The following ARHGAP18 variants were observed in gnomAD, a reference collection of about 807,000 sequenced individuals.
ARHGAP18 encodes Rho GTPase activating protein 18, also known as rho GTPase-activating protein 18.
A neutral mutation model predicts 86.2 loss-of-function variants in ARHGAP18; 67 were observed. The ratio of observed to expected loss-of-function variants is 0.78; its 90% CI spans 0.64 to 0.95. The LOEUF (loss-of-function observed/expected upper bound fraction) is 0.95. Among genes scored for constraint, ARHGAP18 ranks in the 40% least tolerant of loss-of-function variants. The pLI is 0.00. For synonymous variants in ARHGAP18, 283 were observed against 280.4 expected, an observed-to-expected ratio of 1.01 and a Z score of -0.09; for missense variants, 691 against 780.4, an observed-to-expected ratio of 0.89 and a Z score of 1.37.
At chr6:129,600,944 AAGTTGTGTATAAGCAC>A in intron 10 of ARHGAP18, 96 bp from the exon 11 acceptor site, 1 of 1,089,428 alleles carries the variant, frequency 9.2e-7, no homozygotes, top group Non-Finnish European at 1.3e-6. Context: ...TTGAAAAAAC[AAGTTGTGTATAAGCAC>A]AGTCAACTAA....
intron 12 of ARHGAP18, among the ~76,000 whole-genome samples, chr6:129,594,444 G>A (rs899891556): frequency 2.0e-5 from 3 of 151,858 alleles, no homozygotes; most frequent in Admixed American, 2.0e-4. Context: ...CTTAAACATT[G>A]GAATCCCCTA....
At chr6:129,602,615 T>C (rs1788769877) in intron 10 of ARHGAP18, among the ~76,000 whole-genome samples, 1 of 152,194 alleles carries the variant, frequency 6.6e-6, no homozygotes. Flanking sequence ...ATGAGATTTA[T>C]GTATCTAATT....
At chr6:129,697,345 T>C (rs1271045046) in intron 1 of ARHGAP18, among the ~76,000 whole-genome samples, 1 of 152,228 alleles carries the variant, frequency 6.6e-6, no homozygotes, top group African/African-American at 2.4e-5. Flanking sequence ...TGGAATGGTA[T>C]GTTTCACAGA....
intron 5 of ARHGAP18, among the ~76,000 whole-genome samples, chr6:129,625,232 T>C (rs1217495722): frequency 1.1e-5 from 1 of 90,934 alleles, no homozygotes; most frequent in East Asian, 3.1e-4. Flanking sequence ...ATATGATATA[T>C]GATATATATT....
At chr6:129,579,036 T>C (rs1788236123) in intron 14 of ARHGAP18, among the ~76,000 whole-genome samples, 1 of 152,100 alleles carries the variant, frequency 6.6e-6, no homozygotes, top group Admixed American at 6.6e-5. Flanking sequence ...ATTGTAAGAA[T>C]TGGCCAACAA....
chr6:129,631,530 T>A (rs62421086), intron 4 of ARHGAP18, among the ~76,000 whole-genome samples: 32,440 of 151,974 alleles, frequency 0.21, 3,599 homozygotes, highest in Non-Finnish European at 0.24. Flanking sequence ...ATAAGTGATG[T>A]TTTAATTACC....
In ARHGAP18 at chr6:129,614,816, T is replaced by C. The variant is rs148105396; in HGVS notation, c.1044+1396A>G. Among the ~76,000 whole-genome samples the C allele has an allele frequency of 3.8e-3, 582 of 151,624 alleles. 4 individuals carry two copies. The highest frequency in any genetic ancestry group is 0.013 in the African/African-American group (538 of 41,288). Reference sequence around the variant, plus strand: ...ATAATGAAAATTATTTAATACTCTCTATAATGTAGTGGGCCTCATCCAAAC... The same window carrying C: ...ATAATGAAAATTATTTAATACTCTCCATAATGTAGTGGGCCTCATCCAAAC... On this transcript the variant is annotated intron_variant, in intron 7 of 14. Transcript: ENST00000368149.
intron 1 of ARHGAP18, among the ~76,000 whole-genome samples, chr6:129,642,386 G>A (rs186495529): frequency 6.6e-6 from 1 of 152,124 alleles, no homozygotes; most frequent in Admixed American, 6.5e-5. Context: ...CTGGGCTCAA[G>A]TGATCTTCCC....
chr6:129,696,007 A>C (rs1774610800), intron 1 of ARHGAP18, among the ~76,000 whole-genome samples: 1 of 152,210 alleles, frequency 6.6e-6, no homozygotes, highest in Admixed American at 6.5e-5. Context: ...GAAATCCTAC[A>C]CTGATGCTAT....
In ARHGAP18 at chr6:129,633,634, G is replaced by A. The variant is rs535665719; in HGVS notation, c.616+408C>T. ...AATTAGGAGCTTGTGATTTAAGAACGATGCTGCAAGTTTGTTGGCTCAGGG... is the reference window on the plus strand; with the variant it reads ...AATTAGGAGCTTGTGATTTAAGAACAATGCTGCAAGTTTGTTGGCTCAGGG... On this transcript the variant is annotated intron_variant, in intron 4 of 14. Coordinates refer to ENST00000368149, the MANE Select transcript of ARHGAP18 (RefSeq NM_033515.3). Among the ~76,000 whole-genome samples, 8 of 152,178 alleles carry A rather than the reference G, an allele frequency of 5.3e-5. No individual in the cohort carries two copies. The South Asian group carries it at 1.2e-3, about 24-fold the overall frequency.
chr6:129,592,062 TTAA>T (rs1261237121), intron 12 of ARHGAP18, among the ~76,000 whole-genome samples: 1 of 152,188 alleles, frequency 6.6e-6, no homozygotes, highest in Non-Finnish European at 1.5e-5. Flanking sequence ...ACTTCCATAG[TTAA>T]TAAGAATTTA....
chr6:129,634,815 G>T (rs1773297901), intron 3 of ARHGAP18, among the ~76,000 whole-genome samples: 1 of 151,620 alleles, frequency 6.6e-6, no homozygotes, highest in African/African-American at 2.4e-5. Context: ...TATGGTATGT[G>T]AATTATATCT....
chr6:129,596,915 T>G (rs1788625452), intron 12 of ARHGAP18: 1 of 152,200 alleles, frequency 6.6e-6, no homozygotes, highest in African/African-American at 2.4e-5. Context: ...CATCCATTTG[T>G]CATTAAGACG....
chr6:129,613,245 A>AG (rs1200102876), intron 7 of ARHGAP18, among the ~76,000 whole-genome samples: 11 of 151,728 alleles, frequency 7.2e-5, no homozygotes, highest in Middle Eastern at 3.4e-3. Context: ...AAAAAAAAAA[A>AG]AAAAGAAAAG....
intron 5 of ARHGAP18, among the ~76,000 whole-genome samples, chr6:129,621,971 T>A (rs1004984105): frequency 2.6e-5 from 4 of 152,168 alleles, no homozygotes; most frequent in Admixed American, 6.5e-5. Context: ...ATTTTTCCCA[T>A]CCACCAGAGT....
rs181099559 is a variant in ARHGAP18 at position 129,699,738 on chromosome 6, G to C, written c.113+10286C>G. 5.2e-3 allele frequency among the ~76,000 whole-genome samples: 792 copies of C among 151,854 alleles called. 2 individuals carry two copies. Among genetic ancestry groups the C allele is most frequent in the Non-Finnish European group, 7.7e-3 (525 of 67,972 alleles). On this transcript the variant is annotated intron_variant, in intron 1 of 14. Coordinates refer to ENST00000368149, the MANE Select transcript of ARHGAP18 (RefSeq NM_033515.3). ...ATCCTCCCCTCTACTTCATCCTTTCGCTAGTTACGTCCACACCCACCAAAA... is the reference window on the plus strand; with the variant it reads ...ATCCTCCCCTCTACTTCATCCTTTCCCTAGTTACGTCCACACCCACCAAAA...
chr6:129,637,219 C>T (rs531081203), intron 3 of ARHGAP18, among the ~76,000 whole-genome samples: 17 of 151,850 alleles, frequency 1.1e-4, no homozygotes, highest in Non-Finnish European at 1.8e-4. Context: ...CACATGCCAC[C>T]GCACCCAGCT....
chr6:129,658,588 C>G (rs992992020), intron 1 of ARHGAP18, among the ~76,000 whole-genome samples: 1 of 152,146 alleles, frequency 6.6e-6, no homozygotes, highest in African/African-American at 2.4e-5. Flanking sequence ...AAATCTTACG[C>G]TAAAATTTTT....
intron 1 of ARHGAP18, among the ~76,000 whole-genome samples, chr6:129,709,021 C>A (rs1228464950): frequency 6.6e-6 from 1 of 152,124 alleles, no homozygotes; most frequent in Non-Finnish European, 1.5e-5. Flanking sequence ...TGATTTTTCT[C>A]CCTCCCTCAT....
Sources: gnomAD v4.1 joint callset for allele counts (sites outside exome capture counted in the v4.1 genomes callset) on GRCh38, gnomAD v4.1.1 for gene constraint, MANE v1.5 for transcripts, NCBI Gene and HGNC (gene_info 2026-07-23, HGNC 2026-07-21) for gene names.